AFF3: variants seen among roughly 807,000 people sequenced by gnomAD.
The protein encoded by AFF3 is ALF transcription elongation factor 3.
AFF3 carries 32 observed loss-of-function variants against 129.7 expected under a neutral mutation model. The ratio of observed to expected loss-of-function variants is 0.25; its 90% confidence interval spans 0.19 to 0.33. AFF3 has a LOEUF of 0.33. Ranked by LOEUF, AFF3 falls within the 10% of genes least tolerant of loss-of-function variation. AFF3 has a pLI of 1.00. For missense variants in AFF3, 1,373 were observed against 1,592.0 expected, an observed-to-expected ratio of 0.86 and a Z score of 2.34; for synonymous variants, 644 against 635.4, an observed-to-expected ratio of 1.01 and a Z score of -0.20.
chr2:100,009,579 G>C (rs911821181), intron 4 of AFF3, among the ~76,000 whole-genome samples: 1 of 152,170 alleles, frequency 6.6e-6, no homozygotes, highest in African/African-American at 2.4e-5. Context: ...TGAGGGGAGA[G>C]AACGGAAATT....
intron 7 of AFF3, among the ~76,000 whole-genome samples, chr2:99,929,892 C>A (rs979612326): frequency 6.6e-6 from 1 of 150,560 alleles, no homozygotes; most frequent in Non-Finnish European, 1.5e-5. Flanking sequence ...GGGGTAAATG[C>A]GCCATTATAC....
At chr2:99,934,080 T>G (rs1475580452) in intron 7 of AFF3, among the ~76,000 whole-genome samples, 1 of 152,104 alleles carries the variant, frequency 6.6e-6, no homozygotes, top group African/African-American at 2.4e-5. Context: ...CACCAGGAAC[T>G]GAAAGGAACC....
At chr2:99,669,142 C>A (rs143583074) in intron 12 of AFF3, among the ~76,000 whole-genome samples, 1 of 152,120 alleles carries the variant, frequency 6.6e-6, no homozygotes, top group African/African-American at 2.4e-5. Flanking sequence ...CATGCACATA[C>A]CCTACTGCTC....
intron 2 of AFF3, among the ~76,000 whole-genome samples, chr2:100,114,063 G>C (rs750517265): frequency 2.6e-5 from 4 of 152,166 alleles, no homozygotes; most frequent in African/African-American, 4.8e-5. Context: ...CAGTAAAGCA[G>C]CTAGTGAACA....
intron 7 of AFF3, among the ~76,000 whole-genome samples, chr2:99,977,575 C>A (rs190206273): frequency 6.6e-6 from 1 of 152,222 alleles, no homozygotes; most frequent in African/African-American, 2.4e-5. Flanking sequence ...AATAGCCCAG[C>A]TCTGCTTCCA....
chr2:99,747,604 T>C (rs1427383036), intron 9 of AFF3, among the ~76,000 whole-genome samples: 1 of 152,212 alleles, frequency 6.6e-6, no homozygotes, highest in Non-Finnish European at 1.5e-5. Flanking sequence ...TAAGATCATG[T>C]ATCCCATAGA....
intron 10 of AFF3, among the ~76,000 whole-genome samples, chr2:99,743,347 C>T (rs1680877938): frequency 6.6e-6 from 1 of 152,206 alleles, no homozygotes; most frequent in Admixed American, 6.5e-5. Flanking sequence ...GACAGATCTA[C>T]AGCTCAGAGG....
At position 99,568,843 on chromosome 2, in the gene AFF3, G is replaced by A. The variant is rs1261489361; in HGVS notation, c.2982+9C>T. 1.2e-6 allele frequency: 2 copies of A among 1,613,694 alleles called. No homozygotes were observed. The highest frequency in any genetic ancestry group is 1.3e-5 in the African/African-American group (1 of 75,054). Reference sequence around the variant, plus strand: ...TGGAAGAACGTATCTGGAAAGAAAAGGGTCTCACCATTGCATCTGCTTTAT... The same window carrying A: ...TGGAAGAACGTATCTGGAAAGAAAAAGGTCTCACCATTGCATCTGCTTTAT... On this transcript the variant is annotated intron_variant, in intron 19 of 24. Transcript: ENST00000672756.
At chr2:100,007,533 T>C in intron 5 of AFF3, 73 bp from the exon 6 acceptor site, 1 of 1,383,670 alleles carries the variant, frequency 7.2e-7, no homozygotes. Flanking sequence ...ACAGGTGCCC[T>C]TATCAATCAC....
chr2:99,957,602 T>C (rs939042345), intron 7 of AFF3, among the ~76,000 whole-genome samples: 2 of 152,134 alleles, frequency 1.3e-5, no homozygotes, highest in Non-Finnish European at 2.9e-5. Flanking sequence ...AAAGATGGCA[T>C]GAAGTTTTAA....
intron 7 of AFF3, among the ~76,000 whole-genome samples, chr2:99,995,457 C>G (rs1423170513): frequency 6.6e-6 from 1 of 151,970 alleles, no homozygotes; most frequent in East Asian, 1.9e-4. Context: ...ACTGCAAGCT[C>G]CGCCTCCCGG....
chr2:99,733,966 A>G (rs896750009), intron 10 of AFF3, among the ~76,000 whole-genome samples: 1 of 152,220 alleles, frequency 6.6e-6, no homozygotes, highest in Non-Finnish European at 1.5e-5. Context: ...CACATACCCA[A>G]AAGTTGGAAA....
intron 4 of AFF3, among the ~76,000 whole-genome samples, chr2:100,076,101 T>G (rs1449136489): frequency 1.3e-5 from 2 of 152,222 alleles, no homozygotes; most frequent in African/African-American, 4.8e-5. Flanking sequence ...TTTCCTCTGA[T>G]GACATGAATG....
intron 7 of AFF3, among the ~76,000 whole-genome samples, chr2:99,995,704 T>C (rs1680779043): frequency 6.6e-6 from 1 of 152,154 alleles, no homozygotes; most frequent in Non-Finnish European, 1.5e-5. Context: ...TTAACTCTAA[T>C]CTTTGGTAAC....
At chr2:99,808,996 C>A (rs1686578437) in intron 8 of AFF3, among the ~76,000 whole-genome samples, 1 of 152,190 alleles carries the variant, frequency 6.6e-6, no homozygotes, top group Non-Finnish European at 1.5e-5. Context: ...GGAGTTCGTT[C>A]CCTGGGCAGG....
intron 13 of AFF3, among the ~76,000 whole-genome samples, chr2:99,638,859 T>C (rs1683922090): frequency 6.6e-6 from 1 of 152,206 alleles, no homozygotes; most frequent in South Asian, 2.1e-4. Flanking sequence ...ATGTATGTTG[T>C]TGTGCAGCCT....
chr2:99,546,180 T>TA lies in AFF3; in HGVS notation c.*5293dup, dbSNP rs1674068822. The TA allele has an allele frequency of 8.7e-6, 2 of 230,424 alleles. No homozygotes were observed. Among genetic ancestry groups the TA allele is most frequent in the South Asian group, 3.6e-4 (2 of 5,510 alleles). The allele number at this position is 230,424 out of a possible 1,614,324, so 14.3% of individuals were successfully genotyped here. A position where few individuals can be genotyped will look rare whatever the true frequency, so the allele number is the denominator to read the frequency against. On this transcript the variant is annotated 3_prime_UTR_variant, in exon 25 of 25. Coordinates refer to ENST00000672756, the MANE Select transcript of AFF3 (RefSeq NM_001386135.1). ...GAAAATGTATTACTTTTTACAAATA[T>TA]AATTCTTATAGGGACAGACTTCAGC...
intron 1 of AFF3, among the ~76,000 whole-genome samples, chr2:100,140,305 GA>G (rs544088357): frequency 6.6e-6 from 1 of 152,160 alleles, no homozygotes; most frequent in Non-Finnish European, 1.5e-5. Flanking sequence ...TAGTGGTGTA[GA>G]AAAAATGGTT....
At chr2:99,831,765 G>A (rs749480357) in intron 8 of AFF3, among the ~76,000 whole-genome samples, 3 of 152,212 alleles carry the variant, frequency 2.0e-5, no homozygotes, top group Non-Finnish European at 4.4e-5. Flanking sequence ...ATGACAATGT[G>A]TAGTCCAATG....
Sources: gnomAD v4.1 joint callset for allele counts (sites outside exome capture counted in the v4.1 genomes callset) on GRCh38, gnomAD v4.1.1 for gene constraint, MANE v1.5 for transcripts, NCBI Gene and HGNC (gene_info 2026-07-23, HGNC 2026-07-21) for gene names.